The following C2CD3 variants were observed in gnomAD, a reference collection of about 807,000 sequenced individuals.
C2CD3 encodes C2 domain containing 3 centriole elongation regulator, also known as C2 domain-containing protein 3.
Under a neutral mutation model 234.0 loss-of-function variants are expected in C2CD3, and 148 were observed. That is an observed-to-expected ratio of 0.63 (90% CI 0.55 to 0.72). C2CD3 has a LOEUF of 0.72. Among genes scored for constraint, C2CD3 ranks in the 30% least tolerant of loss-of-function variants. The pLI is 0.00. For missense variants in C2CD3, 2,577 were observed against 2,811.5 expected, an observed-to-expected ratio of 0.92 and a Z score of 1.89; for synonymous variants, 1,000 against 1,035.4, an observed-to-expected ratio of 0.97 and a Z score of 0.66.
In C2CD3 at chr11:74,092,407, T is replaced by C; in HGVS notation, c.3517+9A>G. 6.2e-7 allele frequency: 1 copy of C among 1,610,650 alleles called. No homozygotes were observed. Among genetic ancestry groups the C allele is most frequent in the Non-Finnish European group, 8.5e-7 (1 of 1,178,086 alleles). The stretch of plus-strand genomic sequence containing the variant: ...TTTGAAAGAAAAAGACAAACTTGTT[T>C]TCAATTACCTGATGACTGGTTCCTC... On this transcript the variant is annotated intron_variant, in intron 19 of 32. Transcript: ENST00000334126.
chr11:74,031,615 C>A (rs1219178415), intron 31 of C2CD3, among the ~76,000 whole-genome samples: 1 of 152,220 alleles, frequency 6.6e-6, no homozygotes. Flanking sequence ...TATCTATCTA[C>A]TTGACTGTCT....
intron 32 of C2CD3, among the ~76,000 whole-genome samples, chr11:74,027,435 T>A (rs990740424): frequency 6.6e-6 from 1 of 152,174 alleles, no homozygotes. Context: ...ATAGGCATAA[T>A]GATAGTATAT....
chr11:74,092,422 A>C lies in C2CD3; in HGVS notation c.3511T>G (p.Ser1171Ala). ...IENRKELRNQ[S>A]SGLLDVGLRY... The stretch of plus-strand genomic sequence containing the variant: ...CAAACTTGTTTTCAATTACCTGATG[A>C]CTGGTTCCTCAATTCTTTCCTGTTC... Residue 1171 changes from serine to alanine, a missense_variant, in exon 19 of 33, where the codon TCA becomes GCA. Ser to Ala is a moderately conservative substitution (Grantham distance 99). Transcript: ENST00000334126. The C allele has an allele frequency of 6.2e-7, 1 of 1,613,064 alleles. No individual in the cohort carries two copies. The highest frequency in any genetic ancestry group is 8.5e-7 in the Non-Finnish European group (1 of 1,179,354).
chr11:74,061,066 A>G (rs1954214857), intron 24 of C2CD3, among the ~76,000 whole-genome samples: 1 of 152,200 alleles, frequency 6.6e-6, no homozygotes, highest in Non-Finnish European at 1.5e-5. Context: ...CGAGTAGAGA[A>G]GTTTAGAGAA....
At position 74,013,483 on chromosome 11, in the gene C2CD3, A is replaced by G; in HGVS notation, c.6964T>C (p.Cys2322Arg). ...GGGAGCGAGTTAGGTCTGGGGCGAC[A>G]AGGCCTTTGGGAGAGAGCTCCCCTG... ...ATRGALSQRP[C>R]RPRPNSLPLN... The change falls in exon 33 of 33, where the codon TGT becomes CGT. Residue 2322 changes from cysteine to arginine, a missense_variant. Transcript: ENST00000334126. 7.1e-7 allele frequency: 1 copy of G among 1,413,210 alleles called. No individual in the cohort carries two copies. The highest frequency in any genetic ancestry group is 1.6e-5 in the South Asian group (1 of 64,164). 87.5% of individuals were successfully genotyped at this position (1,413,210 alleles called of 1,614,324 possible).
chr11:74,040,814 C>T (rs1360286956), intron 29 of C2CD3, among the ~76,000 whole-genome samples: 1 of 151,872 alleles, frequency 6.6e-6, no homozygotes, highest in Non-Finnish European at 1.5e-5. Context: ...GTGGCTCAGG[C>T]CTGTTGTCCT....
chr11:74,037,578 C>A lies in C2CD3; in HGVS notation c.5781G>T (p.Arg1927Ser), dbSNP rs1252728779. 1.9e-6 allele frequency: 3 copies of A among 1,613,982 alleles called. No homozygotes were observed. The African/African-American group carries it at 4.0e-5, about 22-fold the overall frequency. ...TGCTGGCACCTGGCCCAAGATGGTC[C>A]CTACAGCTCTCCTGGTGCTGTGAGA... ...TAISQHQESC[R>S]DHLGPGASSL... The change falls in exon 30 of 33, where the codon AGG (arginine) becomes AGT (serine). Residue 1927 changes from arginine to serine, a missense_variant. Coordinates refer to ENST00000334126, the MANE Select transcript of C2CD3 (RefSeq NM_001286577.2).
In C2CD3 at chr11:74,077,835, ATATATATATATT is replaced by A. The variant is rs1380507616; in HGVS notation, c.4603+268_4603+279del. Among the ~76,000 whole-genome samples the A allele has an allele frequency of 2.7e-3, 50 of 18,542 alleles. 8 individuals carry two copies. Among genetic ancestry groups the A allele is most frequent in the African/African-American group, 0.02 (50 of 2,548 alleles). 12.2% of individuals were successfully genotyped at this position (18,542 alleles called of 152,430 possible). ...TATATATATATATATATATATATAT[ATATATATATATT>A]ATCTCTTTAGTTACAAGAAGCACTA... On this transcript the variant is annotated intron_variant, in intron 23 of 32. Coordinates refer to ENST00000334126, the MANE Select transcript of C2CD3 (RefSeq NM_001286577.2).
intron 21 of C2CD3, chr11:74,085,400 C>T: frequency 1.8e-6 from 1 of 555,712 alleles, no homozygotes; most frequent in Non-Finnish European, 3.2e-6. Context: ...TCGATACACC[C>T]ATTAACACTG....
At chr11:74,146,925 C>A (rs558401343) in intron 3 of C2CD3, among the ~76,000 whole-genome samples, 2 of 151,892 alleles carry the variant, frequency 1.3e-5, no homozygotes, top group Non-Finnish European at 2.9e-5. Context: ...TGGTGACAGA[C>A]GCCTGTAATC....
At position 74,168,580 on chromosome 11, in the gene C2CD3, G is replaced by A; in HGVS notation, c.89C>T (p.Pro30Leu). The A allele has an allele frequency of 6.2e-7, 1 of 1,614,094 alleles. No homozygotes were observed. The highest frequency in any genetic ancestry group is 8.5e-7 in the Non-Finnish European group (1 of 1,179,910). Residue 30 changes from proline to leucine, a missense_variant, in exon 2 of 33, where the codon CCA (proline) becomes CTA (leucine). Coordinates refer to ENST00000334126, the MANE Select transcript of C2CD3 (RefSeq NM_001286577.2). Reference sequence around the variant, plus strand: ...GCGTAGCTGGCCTTCAACCAGAGGTGGCAGGCTTGTAGATGGAGAAATGTC... The same window carrying A: ...GCGTAGCTGGCCTTCAACCAGAGGTAGCAGGCTTGTAGATGGAGAAATGTC... ...LSDISPSTSLPPLVEGQLRCF... is the reference protein window; with the variant it reads ...LSDISPSTSLLPLVEGQLRCF...
intron 8 of C2CD3, among the ~76,000 whole-genome samples, chr11:74,119,588 T>G (rs552095353): frequency 6.6e-6 from 1 of 151,886 alleles, no homozygotes; most frequent in African/African-American, 2.4e-5. Context: ...GGGGGACAAA[T>G]TAATTTAAAT....
In C2CD3 at chr11:74,084,912, A is replaced by G; in HGVS notation, c.3969T>C (p.Val1323=). Residue 1323 remains valine, a synonymous_variant, in exon 22 of 33, where the codon GTT becomes GTC. Transcript: ENST00000334126. ...CKEYLLGVVK[V]PTKELLIKRS... is the part of the protein sequence containing the mutation. ...TCTTGATCAGCAGCTCTTTTGTTGG[A>G]ACTTTTACTACTCCAAGCAGATACT... The G allele has an allele frequency of 6.2e-7, 1 of 1,612,062 alleles. No homozygotes were observed. Among genetic ancestry groups the G allele is most frequent in the Non-Finnish European group, 8.5e-7 (1 of 1,178,228 alleles).
In C2CD3 at chr11:74,152,476, A is replaced by G. The variant is rs759701584; in HGVS notation, c.483+8923T>C. Among the ~76,000 whole-genome samples, 109 of 152,236 alleles carry G rather than the reference A, an allele frequency of 7.2e-4. 1 individual carries two copies. The highest frequency in any genetic ancestry group is 1.2e-3 in the Non-Finnish European group (83 of 68,030). ...GTAAACTCTACTAGACATTTAATCA[A>G]TTCTACGTTAACTCTTCCAATAAAC... On this transcript the variant is annotated intron_variant, in intron 3 of 32. Coordinates refer to ENST00000334126, the MANE Select transcript of C2CD3 (RefSeq NM_001286577.2).
At chr11:74,046,034 AG>A in intron 28 of C2CD3, among the ~76,000 whole-genome samples, 1 of 152,344 alleles carries the variant, frequency 6.6e-6, no homozygotes, top group South Asian at 2.1e-4. Flanking sequence ...ATAGTATAAA[AG>A]GGTTTTGAAG....
chr11:74,034,494 G>C, intron 30 of C2CD3: 3 of 1,589,380 alleles, frequency 1.9e-6, no homozygotes, highest in Non-Finnish European at 2.6e-6. Context: ...CTAATCTATA[G>C]TTGTGGATAC....
intron 2 of C2CD3, among the ~76,000 whole-genome samples, chr11:74,166,600 A>C (rs879525410): frequency 1.6e-4 from 25 of 152,212 alleles, no homozygotes; most frequent in Non-Finnish European, 2.9e-4. Flanking sequence ...AGCCCTTATT[A>C]ACTTCCTAGA....
intron 22 of C2CD3, among the ~76,000 whole-genome samples, chr11:74,080,670 T>A (rs1329589771): frequency 6.6e-6 from 1 of 152,194 alleles, no homozygotes; most frequent in Non-Finnish European, 1.5e-5. Context: ...TCTAAAAGGT[T>A]TATATCCAAG....
intron 4 of C2CD3, among the ~76,000 whole-genome samples, chr11:74,139,234 C>G (rs371619163): frequency 5.9e-5 from 9 of 152,196 alleles, no homozygotes; most frequent in African/African-American, 2.2e-4. Flanking sequence ...AAAGCAAATG[C>G]TTCATAAATA....
Sources: gnomAD v4.1 joint callset for allele counts (sites outside exome capture counted in the v4.1 genomes callset) on GRCh38, gnomAD v4.1.1 for gene constraint, MANE v1.5 for transcripts, NCBI Gene and HGNC (gene_info 2026-07-23, HGNC 2026-07-21) for gene names.